Variants in NT5C1A observed in about 807,000 individuals in gnomAD.
NT5C1A encodes cytosolic 5'-nucleotidase 1A.
NT5C1A carries 18 observed loss-of-function variants against 31.0 expected under a neutral mutation model. That is an observed-to-expected ratio of 0.58 (90% CI 0.40 to 0.86). The LOEUF is 0.86. NT5C1A is among the 40% of genes least tolerant of loss of function. NT5C1A has a pLI of 0.00. For synonymous variants in NT5C1A, 185 were observed against 203.6 expected, an observed-to-expected ratio of 0.91 and a Z score of 0.78; for missense variants, 470 against 505.4, an observed-to-expected ratio of 0.93 and a Z score of 0.67.
intron 1 of NT5C1A, 99 bp from the exon 2 acceptor site, chr1:39,666,335 C>A: frequency 1.7e-6 from 2 of 1,189,250 alleles, no homozygotes; most frequent in Non-Finnish European, 2.4e-6. Context: ...ATGGAGAAGA[C>A]CCAGACCCAG....
Position 39,657,267 on chromosome 1 carries a change from T to C in NT5C1A, c.*1854A>G, listed in dbSNP as rs784612. 0.82 allele frequency among the ~76,000 whole-genome samples: 124,931 copies of C among 152,156 alleles called. 51,812 individuals are homozygous for C. Among genetic ancestry groups the C allele is most frequent in the African/African-American group, 0.95 (39,404 of 41,540 alleles). ...CAAATCGTTGCTCATTTGAGAACCG[T>C]CTCTGCCTTCTCACTTTGTTCTCCT... On this transcript the variant is annotated 3_prime_UTR_variant, in exon 6 of 6. Coordinates refer to ENST00000235628, the MANE Select transcript of NT5C1A (RefSeq NM_032526.3).
In NT5C1A at chr1:39,664,642, G is replaced by C. The variant is rs868249436; in HGVS notation, c.433+879C>G. On this transcript the variant is annotated intron_variant, in intron 3 of 5. Transcript: ENST00000235628. ...CGAATAGCTGGGATTACAGGTGTGC[G>C]CCACCACACCAGGCTAATTTTTGTA... Among the ~76,000 whole-genome samples the C allele has an allele frequency of 1.0e-4, 15 of 146,324 alleles. 1 individual carries two copies. The highest frequency in any genetic ancestry group is 8.2e-4 in the Admixed American group (12 of 14,556).
At chr1:39,659,619 T>C in intron 5 of NT5C1A, 133 bp from the exon 6 acceptor site, 1 of 1,115,722 alleles carries the variant, frequency 9.0e-7, no homozygotes. Context: ...TTAGCTCTGC[T>C]TATGCCTGCT....
rs150642982 is a variant in NT5C1A, at chr1:39,666,551, C to T, written c.136-315G>A. Among the ~76,000 whole-genome samples, 881 of 152,278 alleles carry T rather than the reference C, an allele frequency of 5.8e-3. 10 individuals carry two copies. Among genetic ancestry groups the T allele is most frequent in the African/African-American group, 0.02 (846 of 41,520 alleles). On this transcript the variant is annotated intron_variant, in intron 1 of 5. Transcript: ENST00000235628. ...AAATGAAGCCAATGTATGTGGCCAA[C>T]GTGTGACTGATGCTGGAGATGATCT...
At chr1:39,671,856 C>T in intron 1 of NT5C1A, 48 bp downstream of exon 1, 2 of 1,608,008 alleles carry the variant, frequency 1.2e-6, no homozygotes, top group Non-Finnish European at 8.5e-7. Flanking sequence ...ACCCCTCCTC[C>T]GGGGTAACCC....
Position 39,656,909 on chromosome 1 carries a change from ACTT to A in NT5C1A, c.*2209_*2211del, listed in dbSNP as rs1274113284. Among the ~76,000 whole-genome samples the A allele has an allele frequency of 7.2e-5, 11 of 152,144 alleles. No individual in the cohort carries two copies. Among genetic ancestry groups the A allele is most frequent in the Non-Finnish European group, 1.6e-4 (11 of 68,018 alleles). On this transcript the variant is annotated 3_prime_UTR_variant, in exon 6 of 6. Transcript: ENST00000235628. ...GACTCAGGGCTGAGCTCCCTCCTTC[ACTT>A]CTTTTTTGTTTCCTTGAGGTTGTTC... is the stretch of plus-strand genomic sequence containing the variant.
intron 1 of NT5C1A, among the ~76,000 whole-genome samples, chr1:39,670,473 G>C (rs1646545133): frequency 6.6e-6 from 1 of 152,242 alleles, no homozygotes; most frequent in Admixed American, 6.5e-5. Flanking sequence ...ACATTAGAGT[G>C]AGTTGGGTTT....
intron 1 of NT5C1A, among the ~76,000 whole-genome samples, chr1:39,668,515 T>C (rs1476540452): frequency 1.3e-5 from 2 of 152,148 alleles, no homozygotes; most frequent in African/African-American, 4.8e-5. Context: ...CTTCTCTCTT[T>C]TCCAGATGGG....
At chr1:39,669,685 G>C (rs917833816) in intron 1 of NT5C1A, among the ~76,000 whole-genome samples, 1 of 152,196 alleles carries the variant, frequency 6.6e-6, no homozygotes, top group African/African-American at 2.4e-5. Flanking sequence ...CGGTTCCTTG[G>C]TGCCTGGGGA....
At position 39,651,816 on chromosome 1, in the gene NT5C1A, G is replaced by C. The variant is rs1012325976; in HGVS notation, c.*7305C>G. On this transcript the variant is annotated 3_prime_UTR_variant, in exon 6 of 6. Transcript: ENST00000235628. ...AGGCAGAGGCTGGTGGATCACCTGA[G>C]GTCAGGAGTTCGAGACCAGCCTGGC... Among the ~76,000 whole-genome samples, 5 of 151,890 alleles carry C rather than the reference G, an allele frequency of 3.3e-5. No homozygotes were observed. The highest frequency in any genetic ancestry group is 2.0e-4 in the Admixed American group (3 of 15,266).
At chr1:39,661,037 C>A (rs1225516174) in intron 5 of NT5C1A, 42 bp downstream of exon 5, 10 of 1,288,506 alleles carry the variant, frequency 7.8e-6, no homozygotes, top group Non-Finnish European at 1.1e-5. Context: ...GTCTGGGGAG[C>A]TGCCTTGTTC....
At chr1:39,668,404 G>C (rs1646533999) in intron 1 of NT5C1A, among the ~76,000 whole-genome samples, 1 of 152,168 alleles carries the variant, frequency 6.6e-6, no homozygotes, top group African/African-American at 2.4e-5. Context: ...GCCAAGTCCT[G>C]GGCTCCCTCT....
rs1646437902 is a variant in NT5C1A, at chr1:39,652,512, C to A, written c.*6609G>T. ...TAGGCATTGGGGTTTGTGACCCTGG[C>A]CCAGGCATCCAGTCTAGGGTGACCT... is the stretch of plus-strand genomic sequence containing the variant. On this transcript the variant is annotated 3_prime_UTR_variant, in exon 6 of 6. Transcript: ENST00000235628. Among the ~76,000 whole-genome samples, 1 of 152,034 alleles carries A rather than the reference C, an allele frequency of 6.6e-6. No homozygotes were observed. The highest frequency in any genetic ancestry group is 2.4e-5 in the African/African-American group (1 of 41,376).
At chr1:39,670,869 TC>T (rs11306359) in intron 1 of NT5C1A, among the ~76,000 whole-genome samples, 44,682 of 150,198 alleles carry the variant, frequency 0.3, 7,072 homozygotes, top group Middle Eastern at 0.38. Flanking sequence ...ACTACTCTAC[TC>T]CCCCCCCAAC....
chr1:39,664,167 G>A (rs1376279041), intron 3 of NT5C1A, among the ~76,000 whole-genome samples: 2 of 150,308 alleles, frequency 1.3e-5, no homozygotes, highest in Non-Finnish European at 3.0e-5. Context: ...CTTTTTTTTC[G>A]TTTTGAGACA....
chr1:39,671,982 C>T lies in NT5C1A; in HGVS notation c.57G>A (p.Ala19=). 1.2e-6 allele frequency: 2 copies of T among 1,611,064 alleles called. No individual in the cohort carries two copies. Among genetic ancestry groups the T allele is most frequent in the Non-Finnish European group, 1.7e-6 (2 of 1,179,642 alleles). ...PQEPREPGPG[A]ETAAAPVWEE... is the part of the protein sequence containing the mutation. ...CCCAGACCGGGGCCGCAGCGGTCTCCGCTCCTGGCCCGGGCTCGCGGGGCT... is the reference window on the plus strand; with the variant it reads ...CCCAGACCGGGGCCGCAGCGGTCTCTGCTCCTGGCCCGGGCTCGCGGGGCT... Residue 19 remains alanine (A), a synonymous_variant, in exon 1 of 6, where the codon GCG becomes GCA. Transcript: ENST00000235628.
In NT5C1A at chr1:39,652,414, A is replaced by C. The variant is rs1284217792; in HGVS notation, c.*6707T>G. ...CATGTGGCAGCAACCATGGCAGACC[A>C]CAGTGTTCTCCATTCTCAGTGAAGA... On this transcript the variant is annotated 3_prime_UTR_variant, in exon 6 of 6. Transcript: ENST00000235628. Among the ~76,000 whole-genome samples the C allele has an allele frequency of 6.6e-6, 1 of 152,234 alleles. No individual in the cohort carries two copies. Among genetic ancestry groups the C allele is most frequent in the Admixed American group, 6.5e-5 (1 of 15,288 alleles).
chr1:39,661,192 A>C lies in NT5C1A; in HGVS notation c.628T>G (p.Phe210Val), dbSNP rs1433650108. Residue 210 changes from phenylalanine (F) to valine (V), a missense_variant, in exon 5 of 6, where the codon TTC becomes GTC. Physicochemically the swap from Phe to Val is conservative, Grantham distance 50 (BLOSUM62 -1). Transcript: ENST00000235628. ...VVSQSQLRVA[F>V]DGDAVLFSDE... Reference sequence around the variant, plus strand: ...GAGAAGAGCACGGCGTCCCCATCGAAGGCCACGCGCAGCTGACTCTGGGAC... The same window carrying C: ...GAGAAGAGCACGGCGTCCCCATCGACGGCCACGCGCAGCTGACTCTGGGAC... The C allele has an allele frequency of 6.3e-7, 1 of 1,598,578 alleles. No individual in the cohort carries two copies. Among genetic ancestry groups the C allele is most frequent in the East Asian group, 2.2e-5 (1 of 44,600 alleles).
chr1:39,663,382 G>A lies in NT5C1A; in HGVS notation c.486C>T (p.Tyr162=). ...AGAGGTTGGTGTGATAGGCCTTGAG[G>A]TAGCAGATCGGGCTGTTCCCACCTG... ...CMTGGNSPIC[Y]LKAYHTNLYL... The change falls in exon 4 of 6, where the codon TAC becomes TAT. Residue 162 remains tyrosine, a synonymous_variant. Transcript: ENST00000235628. 1 of 1,614,140 alleles carries A rather than the reference G, an allele frequency of 6.2e-7. No homozygotes were observed. Among genetic ancestry groups the A allele is most frequent in the Non-Finnish European group, 8.5e-7 (1 of 1,180,028 alleles).
Sources: gnomAD v4.1 joint callset for allele counts (sites outside exome capture counted in the v4.1 genomes callset) on GRCh38, gnomAD v4.1.1 for gene constraint, MANE v1.5 for transcripts, NCBI Gene and HGNC (gene_info 2026-07-23, HGNC 2026-07-21) for gene names.